CFHR5: variants seen among roughly 807,000 people sequenced by gnomAD.
CFHR5 encodes the protein complement factor H-related protein 5.
In CFHR5, 73 loss-of-function variants were observed where a neutral mutation model predicts 62.9. The ratio of observed to expected loss-of-function variants is 1.16; its 90% CI spans 0.96 to 1.41. The LOEUF (loss-of-function observed/expected upper bound fraction) is 1.41. Among genes scored for constraint, CFHR5 ranks in the 40% most tolerant of loss-of-function variants. The pLI, the probability that CFHR5 is intolerant of heterozygous loss-of-function variation, is 0.00. For missense variants in CFHR5, 779 were observed against 679.9 expected (o/e 1.15, Z -1.62); for synonymous variants, 249 against 227.2 (o/e 1.10, Z -0.86).
At chr1:196,993,207 G>C (rs1414278076) in intron 3 of CFHR5, among the ~76,000 whole-genome samples, 1 of 152,032 alleles carries the variant, frequency 6.6e-6, no homozygotes, top group Non-Finnish European at 1.5e-5. Flanking sequence ...TTGATATTTA[G>C]TTACCCTTTT....
chr1:196,988,253 C>T (rs1420037552), intron 3 of CFHR5, among the ~76,000 whole-genome samples: 8 of 152,104 alleles, frequency 5.3e-5, no homozygotes. Context: ...TGCTTATCAG[C>T]TTAAGGAGAT....
intron 7 of CFHR5, among the ~76,000 whole-genome samples, chr1:196,998,536 C>T (rs978703797): frequency 3.3e-5 from 5 of 151,606 alleles, no homozygotes; most frequent in Middle Eastern, 3.2e-3. Flanking sequence ...TACAGTCTCA[C>T]AAAACCTTGA....
In CFHR5 at chr1:196,994,294, G is replaced by T. The variant is rs146361151; in HGVS notation, c.607+38G>T. On this transcript the variant is annotated intron_variant, in intron 4 of 9. Transcript: ENST00000256785. ...TTTAGAAGTGATGAAACAAGAATTT[G>T]ATTTTTATAATAATGCCCATATATT... is the stretch of plus-strand genomic sequence containing the variant. The T allele has an allele frequency of 1.4e-3, 2,170 of 1,496,868 alleles. 28 individuals are homozygous for T. The African/African-American group carries it at 0.025, about 18-fold the overall frequency. 92.7% of individuals were successfully genotyped at this position (1,496,868 alleles called of 1,614,324 possible).
intron 3 of CFHR5, among the ~76,000 whole-genome samples, chr1:196,990,658 G>C (rs1653818869): frequency 6.6e-6 from 1 of 152,066 alleles, no homozygotes; most frequent in Admixed American, 6.5e-5. Flanking sequence ...ATGAGATTCT[G>C]GGTTGAAAAT....
In CFHR5 at chr1:196,998,247, A is replaced by C. The variant is rs762996619; in HGVS notation, c.1090A>C (p.Arg364=). ...RIRYRCSDIF[R]YRHSVCINGK... is the part of the protein sequence containing the mutation. Reference sequence around the variant, plus strand: ...ACGTTACAGATGTTCAGACATCTTCAGATACAGGCACTCAGTCTGTATAAA... The same window carrying C: ...ACGTTACAGATGTTCAGACATCTTCCGATACAGGCACTCAGTCTGTATAAA... Residue 364 remains arginine (R), a synonymous_variant, in exon 7 of 10, where the codon AGA becomes CGA. Coordinates refer to ENST00000256785, the MANE Select transcript of CFHR5 (RefSeq NM_030787.4). 1 of 1,610,990 alleles carries C rather than the reference A, an allele frequency of 6.2e-7. No individual in the cohort carries two copies. The highest frequency in any genetic ancestry group is 2.2e-5 in the East Asian group (1 of 44,720).
rs957706140 is a variant in CFHR5 at position 196,980,341 on chromosome 1, T to C, written c.59-2544T>C. Among the ~76,000 whole-genome samples, 4 of 148,096 alleles carry C rather than the reference T, an allele frequency of 2.7e-5. No homozygotes were observed. The East Asian group carries it at 7.9e-4, about 29-fold the overall frequency. On this transcript the variant is annotated intron_variant, in intron 1 of 9. Coordinates refer to ENST00000256785, the MANE Select transcript of CFHR5 (RefSeq NM_030787.4). ...CCAGTACCATGGTCATTTATTATCA[T>C]TATCAAGTATTGTGTACTATACATA...
In CFHR5 at chr1:196,994,236, C is replaced by A; in HGVS notation, c.587C>A (p.Pro196His). 6.2e-7 allele frequency: 1 copy of A among 1,613,254 alleles called. No homozygotes were observed. Among genetic ancestry groups the A allele is most frequent in the East Asian group, 2.2e-5 (1 of 44,762 alleles). ...SVQCYQFGWS[P>H]NFPTCKGQVR... is the part of the protein sequence containing the mutation. ...CAATGTTACCAATTTGGGTGGTCAC[C>A]TAACTTTCCAACATGCAAAGGTCAG... is the stretch of plus-strand genomic sequence containing the variant. Residue 196 changes from proline to histidine, a missense_variant, in exon 4 of 10, where the codon CCT becomes CAT. By Grantham distance (77) the Pro-to-His change is moderately conservative. Transcript: ENST00000256785.
At chr1:196,997,315 T>C (rs555230391) in intron 6 of CFHR5, among the ~76,000 whole-genome samples, 10 of 152,160 alleles carry the variant, frequency 6.6e-5, no homozygotes, top group Non-Finnish European at 1.5e-4. Flanking sequence ...ATCATATATC[T>C]TCATGGTCAT....
At position 196,996,034 on chromosome 1, in the gene CFHR5, CAT is replaced by C. The variant is rs112327038; in HGVS notation, c.804_805del (p.Cys269TrpfsTer5). ...TACATTTTCTTAGAACAAGTGAAAA[CAT>C]GTGGATACATACCTGAACTCGAGTA... On this transcript the variant is annotated frameshift_variant, in exon 6 of 10. Coordinates refer to ENST00000256785, the MANE Select transcript of CFHR5 (RefSeq NM_030787.4). LOFTEE classifies it high-confidence loss of function. The C allele has an allele frequency of 1.7e-5, 27 of 1,613,712 alleles. 2 individuals carry two copies. The African/African-American group carries it at 2.7e-4, about 16-fold the overall frequency.
rs769805832 is a variant in CFHR5 at position 197,004,798 on chromosome 1, G to C, written c.1468G>C (p.Val490Leu). 1 of 1,613,728 alleles carries C rather than the reference G, an allele frequency of 6.2e-7. No homozygotes were observed. Among genetic ancestry groups the C allele is most frequent in the East Asian group, 2.2e-5 (1 of 44,860 alleles). Residue 490 changes from valine (V) to leucine (L), a missense_variant, in exon 9 of 10, where the codon GTA (valine) becomes CTA (leucine). Val to Leu is a conservative substitution (Grantham distance 32). Coordinates refer to ENST00000256785, the MANE Select transcript of CFHR5 (RefSeq NM_030787.4). ...CTATAAACTCCAGGGCTCTGTAACT[G>C]TAACATGCAGAAATAAACAGTGGTC... Reference protein sequence around the residue: ...SFYKLQGSVTVTCRNKQWSEP... With the variant: ...SFYKLQGSVTLTCRNKQWSEP...
At chr1:196,988,585 G>A (rs1653758502) in intron 3 of CFHR5, among the ~76,000 whole-genome samples, 1 of 152,134 alleles carries the variant, frequency 6.6e-6, no homozygotes, top group South Asian at 2.1e-4. Context: ...ATGAAGCGCT[G>A]TTGAATTTTG....
At position 196,983,016 on chromosome 1, in the gene CFHR5, A is replaced by C; in HGVS notation, c.190A>C (p.Lys64Gln). ...SCEYNFVSPS[K>Q]SFWTRITCTE... ...TGAATATAATTTTGTGTCTCCTTCAAAATCCTTTTGGACTCGCATAACATG... is the reference window on the plus strand; with the variant it reads ...TGAATATAATTTTGTGTCTCCTTCACAATCCTTTTGGACTCGCATAACATG... Residue 64 changes from lysine to glutamine, a missense_variant, in exon 2 of 10, where the codon AAA becomes CAA. Physicochemically the swap from Lys to Gln is moderately conservative, Grantham distance 53 (BLOSUM62 1). Coordinates refer to ENST00000256785, the MANE Select transcript of CFHR5 (RefSeq NM_030787.4). 6.2e-7 allele frequency: 1 copy of C among 1,614,094 alleles called. No individual in the cohort carries two copies. Among genetic ancestry groups the C allele is most frequent in the Non-Finnish European group, 8.5e-7 (1 of 1,180,022 alleles).
At chr1:196,986,884 A>G (rs188820490) in intron 3 of CFHR5, among the ~76,000 whole-genome samples, 5 of 152,338 alleles carry the variant, frequency 3.3e-5, no homozygotes, top group African/African-American at 1.2e-4. Flanking sequence ...GTATATACCC[A>G]GTAATGAGAT....
chr1:197,007,745 G>T (rs1023562790), intron 9 of CFHR5, among the ~76,000 whole-genome samples: 1 of 145,552 alleles, frequency 6.9e-6, no homozygotes, highest in Non-Finnish European at 1.5e-5. Context: ...TACAATATAT[G>T]TATACATATA....
intron 9 of CFHR5, among the ~76,000 whole-genome samples, chr1:197,007,236 T>G (rs1285323408): frequency 2.0e-5 from 3 of 150,060 alleles, no homozygotes; most frequent in Non-Finnish European, 4.4e-5. Context: ...CTGGCAGAGA[T>G]AGATTAGAGT....
chr1:196,979,414 A>G (rs1055501622), intron 1 of CFHR5, among the ~76,000 whole-genome samples: 4 of 152,046 alleles, frequency 2.6e-5, no homozygotes, highest in Non-Finnish European at 5.9e-5. Context: ...CTACCTAACT[A>G]AGCTATACGG....
intron 6 of CFHR5, among the ~76,000 whole-genome samples, chr1:196,996,849 A>T (rs909037006): frequency 1.4e-5 from 2 of 146,910 alleles, no homozygotes; most frequent in African/African-American, 4.9e-5. Context: ...TCCTCCACAG[A>T]AGTAGTAAGT....
chr1:196,975,088 T>C (rs1028279540), upstream of CFHR5, among the ~76,000 whole-genome samples: 1 of 152,116 alleles, frequency 6.6e-6, no homozygotes, highest in Non-Finnish European at 1.5e-5. Context: ...CAGGAGAATG[T>C]GGTGTTCCAT....
intron 3 of CFHR5, among the ~76,000 whole-genome samples, chr1:196,992,486 G>A (rs1052436942): frequency 1.3e-5 from 2 of 152,160 alleles, no homozygotes; most frequent in Non-Finnish European, 2.9e-5. Flanking sequence ...ACTTCCCAGG[G>A]AGGCAATGCC....
Sources: gnomAD v4.1 joint callset for allele counts (sites outside exome capture counted in the v4.1 genomes callset) on GRCh38, gnomAD v4.1.1 for gene constraint, MANE v1.5 for transcripts, NCBI Gene and HGNC (gene_info 2026-07-23, HGNC 2026-07-21) for gene names.